The following TCEA1 variants were observed in gnomAD, a reference collection of about 807,000 sequenced individuals.
TCEA1 encodes transcription elongation factor A protein 1.
TCEA1 carries 21 observed loss-of-function variants against 43.8 expected under a neutral mutation model. That is an observed-to-expected ratio of 0.48 (90% confidence interval 0.34 to 0.69). TCEA1 has a LOEUF of 0.69. Ranked by LOEUF, TCEA1 falls within the 30% of genes least tolerant of loss-of-function variation. The probability of loss-of-function intolerance (pLI) is 0.01; values close to 1 mark genes in which losing one functional copy is unlikely to be tolerated. For missense variants in TCEA1, 250 were observed against 365.1 expected, an observed-to-expected ratio of 0.68 and a Z score of 2.57; for synonymous variants, 104 against 117.5, an observed-to-expected ratio of 0.88 and a Z score of 0.75.
intron 2 of TCEA1, 67 bp downstream of exon 2, chr8:54,010,363 C>T: frequency 8.5e-7 from 1 of 1,174,344 alleles, no homozygotes; most frequent in East Asian, 2.5e-5. Flanking sequence ...CATATTGGTA[C>T]TGAAGATGTT....
chr8:53,975,255 A>C (rs1466731739), intron 8 of TCEA1, among the ~76,000 whole-genome samples: 2 of 152,218 alleles, frequency 1.3e-5, no homozygotes, highest in African/African-American at 4.8e-5. Flanking sequence ...AATTCACTAA[A>C]TATTGCAAAC....
At chr8:53,987,167 C>A in intron 5 of TCEA1, 142 bp from the exon 6 acceptor site, 1 of 715,452 alleles carries the variant, frequency 1.4e-6, no homozygotes. Context: ...TCGTTAGAAT[C>A]TGATCACTTC....
intron 8 of TCEA1, among the ~76,000 whole-genome samples, chr8:53,977,654 A>G (rs1056004365): frequency 1.3e-5 from 2 of 152,224 alleles, no homozygotes; most frequent in African/African-American, 4.8e-5. Flanking sequence ...TCTTGAGTTT[A>G]CAGCAGATAA....
At chr8:53,982,355 C>T (rs1803537769) in intron 7 of TCEA1, among the ~76,000 whole-genome samples, 1 of 152,004 alleles carries the variant, frequency 6.6e-6, no homozygotes, top group Non-Finnish European at 1.5e-5. Flanking sequence ...CGCCTGTAAT[C>T]CCAGAACTTT....
intron 7 of TCEA1, among the ~76,000 whole-genome samples, chr8:53,983,786 A>C (rs1803596982): frequency 6.6e-6 from 1 of 152,246 alleles, no homozygotes; most frequent in African/African-American, 2.4e-5. Context: ...CTGGTTCTAC[A>C]CTAATTCATA....
intron 1 of TCEA1, among the ~76,000 whole-genome samples, chr8:54,014,442 T>C (rs1027354509): frequency 6.6e-6 from 1 of 152,022 alleles, no homozygotes; most frequent in Admixed American, 6.6e-5. Flanking sequence ...AGATCCCACC[T>C]CTATTTAAAA....
intron 7 of TCEA1, among the ~76,000 whole-genome samples, chr8:53,983,782 C>T (rs1803596869): frequency 6.6e-6 from 1 of 152,188 alleles, no homozygotes; most frequent in South Asian, 2.1e-4. Context: ...CTCTCTGGTT[C>T]TACACTAATT....
Position 53,986,967 on chromosome 8 carries a change from ATCT to A in TCEA1, c.522_523+1del. 6.3e-7 allele frequency: 1 copy of A among 1,588,294 alleles called. No homozygotes were observed. Among genetic ancestry groups the A allele is most frequent in the Non-Finnish European group, 8.6e-7 (1 of 1,167,684 alleles). On this transcript the variant is annotated splice_donor_variant and coding_sequence_variant, in exon 6 of 10. Coordinates refer to ENST00000521604, the MANE Select transcript of TCEA1 (RefSeq NM_006756.4). LOFTEE classifies it high-confidence loss of function. ...AATTATGAATATACACACAAAGGAT[ATCT>A]TCTTCAATTTGAGATCCTAATTCTT...
chr8:54,006,659 A>C (rs1421946503), intron 2 of TCEA1, among the ~76,000 whole-genome samples: 1 of 152,196 alleles, frequency 6.6e-6, no homozygotes, highest in Non-Finnish European at 1.5e-5. Flanking sequence ...TTCCCCACAC[A>C]GGTCTGTCGG....
rs186566261 is a variant in TCEA1 at position 54,018,595 on chromosome 8, G to C, written c.63+3468C>G. On this transcript the variant is annotated intron_variant, in intron 1 of 9. Coordinates refer to ENST00000521604, the MANE Select transcript of TCEA1 (RefSeq NM_006756.4). Reference sequence around the variant, plus strand: ...GGATTTGAACCCACATTAGCAGTCAGACTTGGTTACTGACACCGAATCAAA... The same window carrying C: ...GGATTTGAACCCACATTAGCAGTCACACTTGGTTACTGACACCGAATCAAA... Among the ~76,000 whole-genome samples, 420 of 152,324 alleles carry C rather than the reference G, an allele frequency of 2.8e-3. 2 individuals carry two copies. Among genetic ancestry groups the C allele is most frequent in the Middle Eastern group, 6.8e-3 (2 of 294 alleles).
At chr8:54,008,490 AT>A (rs1209959729) in intron 2 of TCEA1, among the ~76,000 whole-genome samples, 2 of 151,874 alleles carry the variant, frequency 1.3e-5, no homozygotes, top group African/African-American at 2.4e-5. Flanking sequence ...AAAAAAAAAA[AT>A]TTTTTTAATT....
At chr8:53,979,760 A>G (rs746241903) in intron 7 of TCEA1, among the ~76,000 whole-genome samples, 3 of 152,124 alleles carry the variant, frequency 2.0e-5, no homozygotes, top group East Asian at 1.9e-4. Context: ...GACTTCCCCA[A>G]TTGCTCCTAT....
chr8:53,975,909 C>CT (rs1273340154), intron 8 of TCEA1, among the ~76,000 whole-genome samples: 1 of 152,026 alleles, frequency 6.6e-6, no homozygotes, highest in African/African-American at 2.4e-5. Flanking sequence ...ACCACAACTA[C>CT]TTTTTTTAAA....
chr8:53,968,315 C>T (rs1198872897), intron 9 of TCEA1, among the ~76,000 whole-genome samples: 1 of 151,458 alleles, frequency 6.6e-6, no homozygotes, highest in Non-Finnish European at 1.5e-5. Flanking sequence ...AACTAAAGAA[C>T]TTGTATAAAA....
At chr8:53,974,422 T>G (rs1007399730) in intron 8 of TCEA1, among the ~76,000 whole-genome samples, 15 of 150,704 alleles carry the variant, frequency 1.0e-4, no homozygotes, top group South Asian at 4.2e-4. Flanking sequence ...CATAATTAAA[T>G]CAAATTACCT....
intron 1 of TCEA1, among the ~76,000 whole-genome samples, chr8:54,014,259 A>C (rs1385645060): frequency 1.3e-5 from 2 of 152,120 alleles, no homozygotes; most frequent in African/African-American, 4.8e-5. Context: ...TCAGATGACT[A>C]GTATCACCAA....
At chr8:54,002,008 A>T (rs1804281582) in intron 2 of TCEA1, among the ~76,000 whole-genome samples, 1 of 149,272 alleles carries the variant, frequency 6.7e-6, no homozygotes, top group Non-Finnish European at 1.5e-5. Flanking sequence ...AAACAAACAA[A>T]CAAAAAACAA....
chr8:53,990,138 C>A (rs375661166), intron 4 of TCEA1, among the ~76,000 whole-genome samples: 52 of 151,216 alleles, frequency 3.4e-4, no homozygotes, highest in African/African-American at 1.3e-3. Context: ...GTTGAGGCTG[C>A]AGAAAGCCTT....
chr8:53,967,841 C>G lies in TCEA1; in HGVS notation c.*263G>C, dbSNP rs1489930769. 1.1e-5 allele frequency: 4 copies of G among 371,720 alleles called. No individual in the cohort carries two copies. The highest frequency in any genetic ancestry group is 1.5e-5 in the Non-Finnish European group (3 of 202,858). 23.0% of individuals were successfully genotyped at this position (371,720 alleles called of 1,614,324 possible). A position where few individuals can be genotyped will look rare whatever the true frequency, so the allele number is the denominator to read the frequency against. Reference sequence around the variant, plus strand: ...TCCTTTAAGAAAGAAGAAATATTGCCAAGAGTTTAATTAATATCAACTTAC... The same window carrying G: ...TCCTTTAAGAAAGAAGAAATATTGCGAAGAGTTTAATTAATATCAACTTAC... On this transcript the variant is annotated 3_prime_UTR_variant, in exon 10 of 10. Transcript: ENST00000521604.
Sources: gnomAD v4.1 joint callset for allele counts (sites outside exome capture counted in the v4.1 genomes callset) on GRCh38, gnomAD v4.1.1 for gene constraint, MANE v1.5 for transcripts, NCBI Gene and HGNC (gene_info 2026-07-23, HGNC 2026-07-21) for gene names.